RBM11: variants seen among roughly 807,000 people sequenced by gnomAD.
RBM11 encodes RNA binding motif protein 11.
RBM11 carries 18 observed loss-of-function variants against 21.4 expected under a neutral mutation model. That is an observed-to-expected ratio of 0.84 (90% CI 0.58 to 1.25). The LOEUF (loss-of-function observed/expected upper bound fraction) is 1.25. Among genes scored for constraint, RBM11 ranks in the 50% most tolerant of loss-of-function variants. The pLI, the probability that RBM11 is intolerant of heterozygous loss-of-function variation, is 0.00. For synonymous variants in RBM11, 120 were observed against 116.3 expected, an observed-to-expected ratio of 1.03 and a Z score of -0.20; for missense variants, 294 against 331.9, an observed-to-expected ratio of 0.89 and a Z score of 0.89.
At position 14,216,309 on chromosome 21, in the gene RBM11, A is replaced by G. The variant is rs1256697766; in HGVS notation, c.96+27A>G. 6 of 1,600,006 alleles carry G rather than the reference A, an allele frequency of 3.7e-6. No homozygotes were observed. In the Admixed American group the frequency reaches 6.8e-5, roughly 18 times the overall value. On this transcript the variant is annotated intron_variant, in intron 1 of 4. Transcript: ENST00000400577. ...TACCGTCTCTGGGAAGGGGCGGCGG[A>G]GGGGCGGAGCACGTCGGGCCGGAAA...
rs374040492 is a variant in RBM11 at position 14,219,597 on chromosome 21, A to T, written c.131A>T (p.Asp44Val). 2.0e-5 allele frequency: 31 copies of T among 1,587,370 alleles called. No homozygotes were observed. Among genetic ancestry groups the T allele is most frequent in the Non-Finnish European group, 2.6e-5 (30 of 1,162,476 alleles). Residue 44 changes from aspartate (D) to valine (V), a missense_variant, in exon 2 of 5, where the codon GAC becomes GTC. Coordinates refer to ENST00000400577, the MANE Select transcript of RBM11 (RefSeq NM_144770.5). ...CTAACCAAAGTGACTATATGCAAAG[A>T]CAGAGAAGGAAAGCCAAAGTCTTTT... ...GPLTKVTICK[D>V]REGKPKSFGF...
At position 14,227,092 on chromosome 21, in the gene RBM11, A is replaced by G; in HGVS notation, c.645A>G (p.Ser215=). Residue 215 remains serine, a synonymous_variant, in exon 5 of 5, where the codon TCA becomes TCG. Coordinates refer to ENST00000400577, the MANE Select transcript of RBM11 (RefSeq NM_144770.5). ...PLPNSASVSS[S]LNHVPDLEAG... ...CTAATAGTGCATCCGTGTCTTCCTC[A>G]CTGAATCATGTTCCAGATCTTGAGG... 1 of 1,613,476 alleles carries G rather than the reference A, an allele frequency of 6.2e-7. No homozygotes were observed. Among genetic ancestry groups the G allele is most frequent in the Non-Finnish European group, 8.5e-7 (1 of 1,179,812 alleles).
intron 4 of RBM11, among the ~76,000 whole-genome samples, chr21:14,226,361 G>T (rs1003368531): frequency 2.4e-4 from 37 of 152,248 alleles, no homozygotes; most frequent in African/African-American, 8.2e-4. Context: ...GCTCACACCT[G>T]TAATCCCAGA....
intron 3 of RBM11, among the ~76,000 whole-genome samples, chr21:14,221,687 C>G (rs424021): frequency 0.25 from 38,511 of 152,080 alleles, 5,486 homozygotes; most frequent in African/African-American, 0.4. Flanking sequence ...ATGGTAGCCT[C>G]CACATACACT....
At chr21:14,217,697 A>G (rs1354785828) in intron 1 of RBM11, among the ~76,000 whole-genome samples, 4 of 152,004 alleles carry the variant, frequency 2.6e-5, no homozygotes, top group Admixed American at 2.0e-4. Context: ...TTTTTCATTC[A>G]GTATCATTTA....
chr21:14,218,231 C>T (rs184773545), intron 1 of RBM11, among the ~76,000 whole-genome samples: 45 of 152,174 alleles, frequency 3.0e-4, no homozygotes, highest in Admixed American at 1.8e-3. Flanking sequence ...ATTCAAATCA[C>T]GTAAGCATGT....
In RBM11 at chr21:14,221,160, A is replaced by G. The variant is rs1177136040; in HGVS notation, c.323A>G (p.His108Arg). 6 of 1,564,340 alleles carry G rather than the reference A, an allele frequency of 3.8e-6. No homozygotes were observed. The highest frequency in any genetic ancestry group is 4.3e-6 in the Non-Finnish European group (5 of 1,154,322). ...SFESCVKINS[H>R]NYRNEEMLVG... ...GAGAGCTGTGTTAAGATAAATTCAC[A>G]CAACTACAGGTAATTTTAAAAATAT... The change falls in exon 3 of 5, where the codon CAC becomes CGC. Residue 108 changes from histidine to arginine, a missense_variant. By Grantham distance (29) the His-to-Arg change is conservative. Transcript: ENST00000400577.
chr21:14,223,985 A>C (rs1404551337), intron 3 of RBM11, among the ~76,000 whole-genome samples: 4 of 152,142 alleles, frequency 2.6e-5, no homozygotes, highest in Non-Finnish European at 5.9e-5. Context: ...CAGCCTGAAG[A>C]ACCATGAGCC....
At chr21:14,222,305 ATACT>A (rs575190104) in intron 3 of RBM11, among the ~76,000 whole-genome samples, 244 of 149,402 alleles carry the variant, frequency 1.6e-3, no homozygotes, top group African/African-American at 5.8e-3. Context: ...CTCTATATAG[ATACT>A]TATATATAGA....
Position 14,224,531 on chromosome 21 carries a change from G to A in RBM11, c.426G>A (p.Gln142=). Residue 142 remains glutamine, a synonymous_variant, in exon 4 of 5, where the codon CAG becomes CAA. Transcript: ENST00000400577. ...TACCTCAAGAATATTTTCTCTTTCA[G>A]AAGATGGTAAGTTTAATATGCATTT... is the stretch of plus-strand genomic sequence containing the variant. ...TSLPQEYFLF[Q]KMQWHVYNPV... is the part of the protein sequence containing the mutation. 6.5e-7 allele frequency: 1 copy of A among 1,548,702 alleles called. No individual in the cohort carries two copies. The highest frequency in any genetic ancestry group is 1.2e-5 in the South Asian group (1 of 82,972).
At position 14,224,451 on chromosome 21, in the gene RBM11, T is replaced by G. The variant is rs409782; in HGVS notation, c.346T>G (p.Leu116Val). 1,247,382 of 1,558,394 alleles carry G rather than the reference T, an allele frequency of 0.8. 499,977 individuals are homozygous for G. Among genetic ancestry groups the G allele is most frequent in the Non-Finnish European group, 0.81 (930,576 of 1,149,934 alleles). The change falls in exon 4 of 5, where the codon TTG (leucine) becomes GTG (valine). Residue 116 changes from leucine (L) to valine (V), a missense_variant. Coordinates refer to ENST00000400577, the MANE Select transcript of RBM11 (RefSeq NM_144770.5). ...NSHNYRNEEM[L>V]VGRSSFPMQY... Reference sequence around the variant, plus strand: ...ATCTCCTCAAAGGAATGAAGAAATGTTGGTGGGCAGATCTTCCTTTCCCAT... The same window carrying G: ...ATCTCCTCAAAGGAATGAAGAAATGGTGGTGGGCAGATCTTCCTTTCCCAT...
chr21:14,224,240 A>T, intron 3 of RBM11, 198 bp from the exon 4 acceptor site: 1 of 717,518 alleles, frequency 1.4e-6, no homozygotes, highest in Non-Finnish European at 2.2e-6. Context: ...TAACATTCTG[A>T]GATACTGGGA....
At chr21:14,222,935 G>A (rs547966645) in intron 3 of RBM11, among the ~76,000 whole-genome samples, 70 of 152,164 alleles carry the variant, frequency 4.6e-4, no homozygotes, top group Non-Finnish European at 8.8e-4. Context: ...CTCATGTGTC[G>A]AGCCATGTGT....
At chr21:14,216,846 T>C (rs382583) in intron 1 of RBM11, among the ~76,000 whole-genome samples, 136,128 of 152,056 alleles carry the variant, frequency 0.9, 61,060 homozygotes, top group East Asian at 0.94. Flanking sequence ...AACTTTGAGA[T>C]CTGGTACCTC....
Position 14,218,582 on chromosome 21 carries a change from G to A in RBM11, c.97-981G>A, listed in dbSNP as rs565177152. Among the ~76,000 whole-genome samples the A allele has an allele frequency of 2.5e-4, 38 of 152,234 alleles. 1 individual carries two copies. The highest frequency in any genetic ancestry group is 8.4e-4 in the African/African-American group (35 of 41,546). ...GGAAGGGAAGCTAGTCCCTGGGAGA[G>A]CACAGAGAATGAAAGGAAAAGACTA... On this transcript the variant is annotated intron_variant, in intron 1 of 4. Coordinates refer to ENST00000400577, the MANE Select transcript of RBM11 (RefSeq NM_144770.5).
At position 14,227,073 on chromosome 21, in the gene RBM11, G is replaced by C. The variant is rs201171026; in HGVS notation, c.626G>C (p.Ser209Thr). The C allele has an allele frequency of 1.5e-5, 25 of 1,613,132 alleles. No homozygotes were observed. The highest frequency in any genetic ancestry group is 9.3e-6 in the Non-Finnish European group (11 of 1,179,806). The change falls in exon 5 of 5, where the codon AGT becomes ACT. Residue 209 changes from serine (S) to threonine (T), a missense_variant. Ser to Thr is a moderately conservative substitution (Grantham distance 58). Around this residue, in one of 2 missense-constraint regions of RBM11, gnomAD observed 113 missense variants for 167.3 expected, o/e 0.68. Coordinates refer to ENST00000400577, the MANE Select transcript of RBM11 (RefSeq NM_144770.5). ...CAGATGACAGCTCCACTTCCTAATA[G>C]TGCATCCGTGTCTTCCTCACTGAAT... is the stretch of plus-strand genomic sequence containing the variant. ...LYQMTAPLPN[S>T]ASVSSSLNHV...
At chr21:14,218,018 G>A (rs1286994954) in intron 1 of RBM11, among the ~76,000 whole-genome samples, 2 of 151,910 alleles carry the variant, frequency 1.3e-5, no homozygotes, top group African/African-American at 4.8e-5. Flanking sequence ...TCTTATTTTT[G>A]TCTAGGTATT....
In RBM11 at chr21:14,226,978, T is replaced by G. The variant is rs188004661; in HGVS notation, c.531T>G (p.Val177=). The G allele has an allele frequency of 2.5e-6, 4 of 1,584,622 alleles. No individual in the cohort carries two copies. The highest frequency in any genetic ancestry group is 3.4e-6 in the Non-Finnish European group (4 of 1,170,604). ...CCGTGTCTTCCTCACTGAATCATGT[T>G]CCAGATCTTGAGGCTGGACCCAGCT... ...SASVSSSLNH[V]PDLEAGPSSY... The change falls in exon 5 of 5, where the codon GTT becomes GTG. Residue 177 remains valine, a synonymous_variant. Transcript: ENST00000400577.
chr21:14,221,194 A>G, intron 3 of RBM11, 25 bp downstream of exon 3: 2 of 1,526,378 alleles, frequency 1.3e-6, no homozygotes, highest in Non-Finnish European at 1.8e-6. Flanking sequence ...ATTTCTCATC[A>G]AAGGTAAAGC....
Sources: gnomAD v4.1 joint callset for allele counts (sites outside exome capture counted in the v4.1 genomes callset) on GRCh38, gnomAD v4.1.1 for gene constraint, gnomAD v4.1.1 regional missense constraint, MANE v1.5 for transcripts, NCBI Gene and HGNC (gene_info 2026-07-23, HGNC 2026-07-21) for gene names.